HNF1B: variants seen among roughly 807,000 people sequenced by gnomAD.
The protein encoded by HNF1B is HNF1 homeobox B, also known as hepatocyte nuclear factor 1-beta.
A neutral mutation model predicts 61.7 loss-of-function variants in HNF1B; 8 were observed. That is an observed-to-expected ratio of 0.13 (90% confidence interval 0.08 to 0.23). The LOEUF is 0.23. Ranked by LOEUF, HNF1B falls within the 10% of genes least tolerant of loss-of-function variation. The pLI, the probability that HNF1B is intolerant of heterozygous loss-of-function variation, is 1.00. For synonymous variants in HNF1B, 314 were observed against 287.7 expected, an observed-to-expected ratio of 1.09 and a Z score of -0.93; for missense variants, 562 against 714.5, an observed-to-expected ratio of 0.79 and a Z score of 2.43.
chr17:37,693,280 G>T (rs2032271228), intron 8 of HNF1B, among the ~76,000 whole-genome samples: 1 of 151,916 alleles, frequency 6.6e-6, no homozygotes, highest in African/African-American at 2.4e-5. Flanking sequence ...CAGGGAGGGG[G>T]CTACCACTTT....
chr17:37,707,210 G>A (rs928922894), intron 5 of HNF1B, among the ~76,000 whole-genome samples: 1 of 151,786 alleles, frequency 6.6e-6, no homozygotes, highest in Non-Finnish European at 1.5e-5. Flanking sequence ...CGAACTCCTG[G>A]AATTAAGCGA....
At chr17:37,709,343 A>G (rs2032856974) in intron 5 of HNF1B, among the ~76,000 whole-genome samples, 2 of 152,102 alleles carry the variant, frequency 1.3e-5, no homozygotes. Context: ...TCTGCCTCCC[A>G]GGCTCAAGTG....
At chr17:37,736,472 C>A (rs575968365) in intron 2 of HNF1B, among the ~76,000 whole-genome samples, 76 of 152,314 alleles carry the variant, frequency 5.0e-4, no homozygotes, top group African/African-American at 1.8e-3. Flanking sequence ...GAGGTTCAGA[C>A]TGGTGAAGTG....
chr17:37,733,510 G>A, intron 3 of HNF1B, 47 bp downstream of exon 3: 1 of 1,611,876 alleles, frequency 6.2e-7, no homozygotes, highest in Non-Finnish European at 8.5e-7. Context: ...GGGTTCCTGG[G>A]TCTGTGTACT....
Position 37,710,609 on chromosome 17 carries a change from C to G in HNF1B, c.1100G>C (p.Ser367Thr). Reference sequence around the variant, plus strand: ...CACCATGGCGCTGTTGCCATGGTGACTGATTGTTGAGGAGGAAGTGATCTC... The same window carrying G: ...CACCATGGCGCTGTTGCCATGGTGAGTGATTGTTGAGGAGGAAGTGATCTC... ...NNEITSSSTI[S>T]HHGNSAMVTS... is the part of the protein sequence containing the mutation. The change falls in exon 5 of 9, where the codon AGT becomes ACT. Residue 367 changes from serine (S) to threonine (T), a missense_variant. This residue lies in a region of HNF1B where 211 missense variants were observed against 200.7 expected (regional missense o/e 1.05). Coordinates refer to ENST00000617811, the MANE Select transcript of HNF1B (RefSeq NM_000458.4). 6.2e-7 allele frequency: 1 copy of G among 1,613,786 alleles called. No individual in the cohort carries two copies. Among genetic ancestry groups the G allele is most frequent in the Non-Finnish European group, 8.5e-7 (1 of 1,180,028 alleles).
At chr17:37,721,514 G>A (rs567829128) in intron 4 of HNF1B, among the ~76,000 whole-genome samples, 23 of 152,232 alleles carry the variant, frequency 1.5e-4, no homozygotes, top group African/African-American at 4.6e-4. Context: ...AGAATTCCCA[G>A]GAAGTTAAAT....
chr17:37,692,930 C>T (rs957021326), intron 8 of HNF1B, among the ~76,000 whole-genome samples: 1 of 152,222 alleles, frequency 6.6e-6, no homozygotes, highest in African/African-American at 2.4e-5. Flanking sequence ...GTGGCTCACA[C>T]CTGTAATTCC....
chr17:37,710,736 TG>T, intron 4 of HNF1B, 73 bp from the exon 5 acceptor site: 1 of 1,457,474 alleles, frequency 6.9e-7, no homozygotes, highest in Non-Finnish European at 9.5e-7. Context: ...CGGCACCTCT[TG>T]TTTTCAAGGG....
chr17:37,703,353 A>T (rs2032634004), intron 6 of HNF1B, among the ~76,000 whole-genome samples: 1 of 152,200 alleles, frequency 6.6e-6, no homozygotes, highest in Non-Finnish European at 1.5e-5. Context: ...AGTAGAGGAA[A>T]TTAGAAAGAA....
At position 37,731,875 on chromosome 17, in the gene HNF1B, G is replaced by C. The variant is rs776678228; in HGVS notation, c.810-45C>G. The C allele has an allele frequency of 2.3e-6, 3 of 1,300,992 alleles. No individual in the cohort carries two copies. The Admixed American group carries it at 5.2e-5, about 22-fold the overall frequency. The allele number at this position is 1,300,992 out of a possible 1,614,324, so 80.6% of individuals were successfully genotyped here. On this transcript the variant is annotated intron_variant, in intron 3 of 8. Transcript: ENST00000617811. Reference sequence around the variant, plus strand: ...AGATGGTGAGTGAGGGGGGGCGGGGGGACTTGTTGGTGCTTGGCCAAAAAC... The same window carrying C: ...AGATGGTGAGTGAGGGGGGGCGGGGCGACTTGTTGGTGCTTGGCCAAAAAC...
chr17:37,703,532 C>A (rs1322850181), intron 6 of HNF1B, among the ~76,000 whole-genome samples: 1 of 152,072 alleles, frequency 6.6e-6, no homozygotes, highest in Non-Finnish European at 1.5e-5. Flanking sequence ...TCCCCACGGG[C>A]CTTTTAATCA....
At chr17:37,728,525 C>T (rs1392712621) in intron 4 of HNF1B, 1 of 152,006 alleles carries the variant, frequency 6.6e-6, no homozygotes, top group Non-Finnish European at 1.5e-5. Context: ...CCAGGATGGC[C>T]TCGATCTCCT....
intron 6 of HNF1B, among the ~76,000 whole-genome samples, chr17:37,702,270 G>A (rs953165163): frequency 7.2e-5 from 11 of 152,152 alleles, no homozygotes; most frequent in Non-Finnish European, 1.5e-4. Flanking sequence ...CAGGTTTGAG[G>A]GAAGTCATCA....
At chr17:37,691,848 G>C (rs1284408024) in intron 8 of HNF1B, among the ~76,000 whole-genome samples, 1 of 152,176 alleles carries the variant, frequency 6.6e-6, no homozygotes, top group Non-Finnish European at 1.5e-5. Context: ...AATAGCCGAA[G>C]GGGATAGATG....
chr17:37,712,460 G>A (rs73982514), intron 4 of HNF1B, among the ~76,000 whole-genome samples: 3,393 of 152,108 alleles, frequency 0.022, 117 homozygotes, highest in African/African-American at 0.077. Context: ...CTTTCTTCAC[G>A]TCTGCCACCC....
chr17:37,711,232 A>G (rs1334052627), intron 4 of HNF1B, among the ~76,000 whole-genome samples: 1 of 152,244 alleles, frequency 6.6e-6, no homozygotes. Flanking sequence ...CCAAGAGGTC[A>G]GGGGCACGGA....
Position 37,744,993 on chromosome 17 carries a change from C to A in HNF1B, c.-109G>T. 11 of 951,336 alleles carry A rather than the reference C, an allele frequency of 1.2e-5. No individual in the cohort carries two copies. Among genetic ancestry groups the A allele is most frequent in the Non-Finnish European group, 1.6e-5 (10 of 622,966 alleles). The allele number at this position is 951,336 out of a possible 1,614,324, so 58.9% of individuals were successfully genotyped here. ...CAAATCCAGGAACCCCTCCACCCTT[C>A]AGCCTCCAGACACCTGTTACTCCCC... On this transcript the variant is annotated 5_prime_UTR_variant, in exon 1 of 9. Coordinates refer to ENST00000617811, the MANE Select transcript of HNF1B (RefSeq NM_000458.4).
At chr17:37,711,446 A>G (rs1047274986) in intron 4 of HNF1B, among the ~76,000 whole-genome samples, 10 of 152,230 alleles carry the variant, frequency 6.6e-5, no homozygotes, top group Non-Finnish European at 1.5e-5. Context: ...GGAAGGGTAG[A>G]ACCAAACATG....
chr17:37,716,355 G>C (rs879526581), intron 4 of HNF1B, among the ~76,000 whole-genome samples: 1 of 151,830 alleles, frequency 6.6e-6, no homozygotes, highest in Non-Finnish European at 1.5e-5. Context: ...CCACCACCAC[G>C]CTCAGCTAAA....
Sources: allele counts gnomAD v4.1 joint callset (sites outside exome capture counted in the v4.1 genomes callset), GRCh38; gene constraint gnomAD v4.1.1; regional missense constraint gnomAD v4.1.1; transcripts MANE v1.5; gene names NCBI Gene and HGNC (gene_info 2026-07-23, HGNC 2026-07-21).